The following SNED1 variants were observed in gnomAD, a reference collection of about 807,000 sequenced individuals.
SNED1 encodes sushi, nidogen and EGF-like domain-containing protein 1.
Under a neutral mutation model 166.7 loss-of-function variants are expected in SNED1, and 81 were observed. The observed-to-expected ratio is 0.49, with a 90% CI of 0.41 to 0.58. SNED1 has a LOEUF of 0.58. Among genes scored for constraint, SNED1 ranks in the 20% least tolerant of loss-of-function variants. SNED1 has a pLI of 0.00. For missense variants in SNED1, 1,604 were observed against 2,000.2 expected (o/e 0.80, Z 3.78); for synonymous variants, 762 against 822.0 (o/e 0.93, Z 1.25).
Position 241,062,881 on chromosome 2 carries a change from A to G in SNED1, c.2348A>G (p.Tyr783Cys). 1 of 1,606,762 alleles carries G rather than the reference A, an allele frequency of 6.2e-7. No individual in the cohort carries two copies. The highest frequency in any genetic ancestry group is 8.5e-7 in the Non-Finnish European group (1 of 1,177,406). The change falls in exon 17 of 32, where the codon TAT (tyrosine) becomes TGT (cysteine). Residue 783 changes from tyrosine to cysteine, a missense_variant. Physicochemically the swap from Tyr to Cys is radical, Grantham distance 194. Coordinates refer to ENST00000310397, the MANE Select transcript of SNED1 (RefSeq NM_001080437.3). ...AGYLCLCSTG[Y>C]EGAHCELERD... ...TACCTGTGCCTCTGCAGCACAGGCT[A>G]TGAGGGCGCCCACTGTGAGCTGGGT...
Position 241,073,249 on chromosome 2 carries a change from C to G in SNED1, c.3818-17C>G, listed in dbSNP as rs377339292. ...CAAAGCAGCTGCGCCGTGTGGTCAC[C>G]GCCTGGCTTCTCCTAGAACCCACAG... On this transcript the variant is annotated splice_polypyrimidine_tract_variant and intron_variant, in intron 26 of 31. Coordinates refer to ENST00000310397, the MANE Select transcript of SNED1 (RefSeq NM_001080437.3). The surrounding 1 kb of genome is among the most constrained non-coding windows in gnomAD (Gnocchi z 6.6). 6 of 1,546,722 alleles carry G rather than the reference C, an allele frequency of 3.9e-6. No individual in the cohort carries two copies. Among genetic ancestry groups the G allele is most frequent in the Non-Finnish European group, 5.2e-6 (6 of 1,143,108 alleles).
At chr2:241,005,434 C>A (rs1235976648) in intron 1 of SNED1, among the ~76,000 whole-genome samples, 1 of 151,684 alleles carries the variant, frequency 6.6e-6, no homozygotes, top group African/African-American at 2.4e-5. Context: ...GAATTCCTGG[C>A]CTCAAGTGAC....
intron 16 of SNED1, among the ~76,000 whole-genome samples, chr2:241,056,809 C>G (rs1337252572): frequency 1.1e-4 from 17 of 151,080 alleles, no homozygotes. Flanking sequence ...TCTCGATCTC[C>G]TGACCTCGTG....
chr2:241,087,270 G>A (rs941909792), intron 29 of SNED1, 122 bp from the exon 30 acceptor site: 49 of 785,350 alleles, frequency 6.2e-5, no homozygotes, highest in Non-Finnish European at 9.3e-5. Context: ...GTTTCATTCA[G>A]AAAATAGCAG....
chr2:241,027,697 T>C (rs1260238760), intron 1 of SNED1, among the ~76,000 whole-genome samples: 1 of 152,012 alleles, frequency 6.6e-6, no homozygotes, highest in Non-Finnish European at 1.5e-5. Context: ...GGTTCCAATT[T>C]CTCCACATCT....
At chr2:241,037,692 TGTG>T (rs1342651619) in intron 6 of SNED1, among the ~76,000 whole-genome samples, 7 of 152,094 alleles carry the variant, frequency 4.6e-5, no homozygotes, top group African/African-American at 1.7e-4. Context: ...CCGCTGGGGA[TGTG>T]GTGGGGCCGT....
At position 241,073,650 on chromosome 2, in the gene SNED1, C is replaced by T. The variant is rs1029805912; in HGVS notation, c.3916+286C>T. On this transcript the variant is annotated intron_variant, in intron 27 of 31. Coordinates refer to ENST00000310397, the MANE Select transcript of SNED1 (RefSeq NM_001080437.3). The surrounding 1 kb of genome is among the most constrained non-coding windows in gnomAD (Gnocchi z 6.6). Reference sequence around the variant, plus strand: ...TTTGATGCTGCCTCCCCTCCCCTCTCCTCCTTCGCCTCCACATGCAGCAGA... The same window carrying T: ...TTTGATGCTGCCTCCCCTCCCCTCTTCTCCTTCGCCTCCACATGCAGCAGA... 4 of 504,498 alleles carry T rather than the reference C, an allele frequency of 7.9e-6. No homozygotes were observed. The highest frequency in any genetic ancestry group is 1.4e-5 in the Non-Finnish European group (4 of 284,564). The allele number at this position is 504,498 out of a possible 1,614,324, so 31.3% of individuals were successfully genotyped here. A position where few individuals can be genotyped will look rare whatever the true frequency, so the allele number is the denominator to read the frequency against.
At chr2:241,059,007 G>T (rs1432990865) in intron 16 of SNED1, among the ~76,000 whole-genome samples, 1 of 151,804 alleles carries the variant, frequency 6.6e-6, no homozygotes, top group African/African-American at 2.4e-5. Flanking sequence ...AGGAAAAAAA[G>T]AGAGAAATTA....
chr2:241,063,845 G>A (rs2062324429), intron 18 of SNED1, 145 bp downstream of exon 18: 2 of 775,700 alleles, frequency 2.6e-6, no homozygotes, highest in African/African-American at 1.7e-5. Context: ...GGGAGGGAGG[G>A]GTGGAGGTGA....
At chr2:241,040,926 G>A in intron 8 of SNED1, 1 of 448,936 alleles carries the variant, frequency 2.2e-6, no homozygotes, top group Non-Finnish European at 4.6e-6. Flanking sequence ...ACTGGAGATT[G>A]CAGCCTACAG....
intron 24 of SNED1, 79 bp downstream of exon 24, chr2:241,070,280 G>T (rs1230932664): frequency 7.1e-7 from 1 of 1,416,600 alleles, no homozygotes; most frequent in Non-Finnish European, 9.4e-7. Context: ...ACCTGGCCCT[G>T]CAGGGGCCTG....
chr2:241,050,936 C>T (rs980544589), intron 12 of SNED1, among the ~76,000 whole-genome samples: 2 of 152,248 alleles, frequency 1.3e-5, no homozygotes, highest in African/African-American at 2.4e-5. Flanking sequence ...CACAGCCCTC[C>T]CCCAGCATCC....
chr2:241,078,245 T>C (rs1439971613), intron 27 of SNED1, among the ~76,000 whole-genome samples: 5 of 151,400 alleles, frequency 3.3e-5, no homozygotes, highest in Admixed American at 6.6e-5. Flanking sequence ...TAGCTGGGCG[T>C]GGTGGCGGGC....
chr2:241,023,559 G>A (rs2060831872), intron 1 of SNED1, among the ~76,000 whole-genome samples: 1 of 151,874 alleles, frequency 6.6e-6, no homozygotes, highest in Non-Finnish European at 1.5e-5. Context: ...TCTTTATTCT[G>A]ACATATTATC....
intron 2 of SNED1, among the ~76,000 whole-genome samples, chr2:241,032,503 G>GTA (rs2061214881): frequency 7.2e-6 from 1 of 139,492 alleles, no homozygotes; most frequent in Admixed American, 7.1e-5. Context: ...GGGGTCGGGG[G>GTA]AGGGATAGCA....
At chr2:241,002,598 C>T (rs1229492360) in intron 1 of SNED1, among the ~76,000 whole-genome samples, 1 of 152,100 alleles carries the variant, frequency 6.6e-6, no homozygotes, top group Admixed American at 6.5e-5. Flanking sequence ...AGTGAGAGAG[C>T]CTGATGACTC....
intron 31 of SNED1, 44 bp downstream of exon 31, chr2:241,088,446 G>C: frequency 6.5e-7 from 1 of 1,537,916 alleles, no homozygotes; most frequent in African/African-American, 1.4e-5. Flanking sequence ...GAGCTGCTGG[G>C]AAGTGGGGGG....
intron 16 of SNED1, among the ~76,000 whole-genome samples, chr2:241,054,108 C>A (rs902958864): frequency 7.0e-6 from 1 of 141,970 alleles, no homozygotes; most frequent in Admixed American, 7.1e-5. Context: ...TGGCTTCAAG[C>A]ATCCCTCCTT....
chr2:241,065,050 G>A (rs1000788629), intron 20 of SNED1, 93 bp downstream of exon 20: 33 of 1,028,110 alleles, frequency 3.2e-5, no homozygotes, highest in African/African-American at 9.8e-5. Flanking sequence ...GCGTCTGGCC[G>A]CTGCTTGCCC....
Sources: gnomAD v4.1 joint callset for allele counts (sites outside exome capture counted in the v4.1 genomes callset) on GRCh38, gnomAD v4.1.1 for gene constraint, Gnocchi (gnomAD v3.1) non-coding constraint, MANE v1.5 for transcripts, NCBI Gene and HGNC (gene_info 2026-07-23, HGNC 2026-07-21) for gene names.